Variants in CDH12 observed in about 807,000 individuals in gnomAD.
CDH12 encodes cadherin 12.
A neutral mutation model predicts 74.1 loss-of-function variants in CDH12; 41 were observed. The observed-to-expected ratio is 0.55, with a 90% CI of 0.43 to 0.72. The LOEUF is 0.72. Ranked by LOEUF, CDH12 falls within the 30% of genes least tolerant of loss-of-function variation. The pLI, the probability that CDH12 is intolerant of heterozygous loss-of-function variation, is 0.00. For synonymous variants in CDH12, 399 were observed against 355.0 expected (o/e 1.12, Z -1.39); for missense variants, 945 against 977.2 (o/e 0.97, Z 0.44).
At chr5:22,767,097 A>C (rs533915914) in intron 1 of CDH12, among the ~76,000 whole-genome samples, 25 of 152,232 alleles carry the variant, frequency 1.6e-4, no homozygotes, top group Admixed American at 3.3e-4. Context: ...GAATGTTGGC[A>C]AAATAGATTA....
At chr5:22,319,200 T>C (rs1056881813) in intron 3 of CDH12, among the ~76,000 whole-genome samples, 7 of 152,170 alleles carry the variant, frequency 4.6e-5, no homozygotes, top group Admixed American at 2.0e-4. Context: ...ATAAGTAATA[T>C]AGATGGGTGC....
At chr5:22,038,728 G>C (rs1345857264) in intron 5 of CDH12, among the ~76,000 whole-genome samples, 1 of 152,162 alleles carries the variant, frequency 6.6e-6, no homozygotes, top group Non-Finnish European at 1.5e-5. Flanking sequence ...ACCCAGAGAA[G>C]ACATGATTCC....
chr5:22,758,301 A>T (rs1746034554), intron 1 of CDH12, among the ~76,000 whole-genome samples: 1 of 152,192 alleles, frequency 6.6e-6, no homozygotes, highest in Admixed American at 6.5e-5. Context: ...ATTGTTTCTA[A>T]ACCACTTTAA....
chr5:22,041,257 GA>G (rs1309429986), intron 5 of CDH12, among the ~76,000 whole-genome samples: 1 of 151,886 alleles, frequency 6.6e-6, no homozygotes, highest in Non-Finnish European at 1.5e-5. Context: ...CAAGAGCGGG[GA>G]AAAAAGGATC....
chr5:22,580,457 G>A lies in CDH12; in HGVS notation c.-522-75093C>T, dbSNP rs766108976. 4.1e-5 allele frequency: 21 copies of A among 509,938 alleles called. 1 individual carries two copies. Among genetic ancestry groups the A allele is most frequent in the South Asian group, 2.5e-4 (17 of 68,490 alleles). The allele number at this position is 509,938 out of a possible 1,614,324, so 31.6% of individuals were successfully genotyped here. A position where few individuals can be genotyped will look rare whatever the true frequency, so the allele number is the denominator to read the frequency against. Reference sequence around the variant, plus strand: ...AGTACTGCCACTTGACAAACCTGGCGACTGCATGCGTGTCAGACAAGTCAT... The same window carrying A: ...AGTACTGCCACTTGACAAACCTGGCAACTGCATGCGTGTCAGACAAGTCAT... On this transcript the variant is annotated intron_variant, in intron 1 of 14. Transcript: ENST00000382254.
intron 1 of CDH12, among the ~76,000 whole-genome samples, chr5:22,791,092 A>G (rs1747882814): frequency 6.6e-6 from 1 of 152,234 alleles, no homozygotes; most frequent in East Asian, 1.9e-4. Context: ...TATAAAGAAC[A>G]CAAAGAACGT....
At chr5:22,081,386 CCTCCAAGGTGT>C (rs776649705) in intron 4 of CDH12, among the ~76,000 whole-genome samples, 2 of 152,046 alleles carry the variant, frequency 1.3e-5, no homozygotes, top group Non-Finnish European at 2.9e-5. Flanking sequence ...CTAGGGTTAA[CCTCCAAGGTGT>C]ATTAATTTCT....
At chr5:22,712,390 A>G (rs1284418842) in intron 1 of CDH12, among the ~76,000 whole-genome samples, 1 of 152,052 alleles carries the variant, frequency 6.6e-6, no homozygotes, top group African/African-American at 2.4e-5. Context: ...TTTATTAAAA[A>G]TATAAGATAC....
intron 8 of CDH12, among the ~76,000 whole-genome samples, chr5:21,820,850 C>A (rs6863288): frequency 6.6e-6 from 1 of 151,686 alleles, no homozygotes; most frequent in African/African-American, 2.4e-5. Flanking sequence ...GTCTTCCAGG[C>A]GTCCTACTTT....
At chr5:21,935,342 C>G (rs1352772384) in intron 6 of CDH12, among the ~76,000 whole-genome samples, 1 of 152,136 alleles carries the variant, frequency 6.6e-6, no homozygotes, top group Non-Finnish European at 1.5e-5. Context: ...GCAGACATTG[C>G]TAAACTTTCA....
chr5:21,880,613 T>C (rs1195681394), intron 6 of CDH12, among the ~76,000 whole-genome samples: 5 of 88,416 alleles, frequency 5.7e-5, no homozygotes, highest in African/African-American at 2.3e-4. Context: ...CCTTCCTTCC[T>C]TCCTTCTTTC....
intron 3 of CDH12, among the ~76,000 whole-genome samples, chr5:22,278,741 C>A (rs1736749669): frequency 6.6e-6 from 1 of 151,954 alleles, no homozygotes; most frequent in Non-Finnish European, 1.5e-5. Context: ...TTTAGTCTAC[C>A]CTCTAGGTAT....
chr5:22,198,132 TATC>T (rs1464755471), intron 4 of CDH12, among the ~76,000 whole-genome samples: 6 of 152,332 alleles, frequency 3.9e-5, no homozygotes, highest in Non-Finnish European at 1.5e-5. Flanking sequence ...ATTACTAAAA[TATC>T]ATAGTGTGCG....
At chr5:21,895,467 G>A (rs1474556193) in intron 6 of CDH12, among the ~76,000 whole-genome samples, 3 of 152,118 alleles carry the variant, frequency 2.0e-5, no homozygotes, top group South Asian at 2.1e-4. Context: ...CCATCAGGAC[G>A]CTCATCCTGC....
chr5:22,123,440 T>C lies in CDH12; in HGVS notation c.-186-44578A>G, dbSNP rs192174926. Among the ~76,000 whole-genome samples, 238 of 152,328 alleles carry C rather than the reference T, an allele frequency of 1.6e-3. 2 individuals are homozygous for C. Among genetic ancestry groups the C allele is most frequent in the African/African-American group, 5.6e-3 (231 of 41,580 alleles). On this transcript the variant is annotated intron_variant, in intron 4 of 14. Transcript: ENST00000382254. Reference sequence around the variant, plus strand: ...TATTATGTATCCTTTTGGTTCTTTTTCTATGAAAAAGTCTGACTAATTCGG... The same window carrying C: ...TATTATGTATCCTTTTGGTTCTTTTCCTATGAAAAAGTCTGACTAATTCGG...
At chr5:21,841,301 CAATG>C (rs1325963951) in intron 8 of CDH12, among the ~76,000 whole-genome samples, 4 of 152,098 alleles carry the variant, frequency 2.6e-5, no homozygotes, top group Non-Finnish European at 5.9e-5. Flanking sequence ...ATCAAAACCA[CAATG>C]AGATATCGTC....
intron 11 of CDH12, among the ~76,000 whole-genome samples, chr5:21,769,548 C>T (rs1032992581): frequency 5.3e-5 from 8 of 152,030 alleles, no homozygotes; most frequent in Non-Finnish European, 7.4e-5. Flanking sequence ...AAAGAAATGT[C>T]AGCTTAATTG....
intron 1 of CDH12, among the ~76,000 whole-genome samples, chr5:22,664,729 A>G (rs1430946602): frequency 1.3e-5 from 2 of 152,186 alleles, no homozygotes; most frequent in East Asian, 1.9e-4. Flanking sequence ...CCCATTCTAC[A>G]TATGGGAAAA....
intron 10 of CDH12, among the ~76,000 whole-genome samples, chr5:21,794,670 G>A (rs1415006599): frequency 6.6e-6 from 1 of 151,348 alleles, no homozygotes; most frequent in East Asian, 1.9e-4. Context: ...TTTGTTTCCT[G>A]TATACAGTCA....
Sources: allele counts gnomAD v4.1 joint callset (sites outside exome capture counted in the v4.1 genomes callset), GRCh38; gene constraint gnomAD v4.1.1; transcripts MANE v1.5; gene names NCBI Gene and HGNC (gene_info 2026-07-23, HGNC 2026-07-21).